Variants in INSL6 observed in about 807,000 individuals in gnomAD.
The protein encoded by INSL6 is insulin-like peptide INSL6.
A neutral mutation model predicts 9.4 loss-of-function variants in INSL6; 16 were observed. The ratio of observed to expected loss-of-function variants is 1.70; its 90% CI spans 1.15 to 2.59. INSL6 has a LOEUF of 2.59. INSL6 is among the 30% of genes most tolerant of loss of function. INSL6 has a pLI of 0.00. For synonymous variants in INSL6, 154 were observed against 96.9 expected (o/e 1.59, Z -3.46); for missense variants, 391 against 257.3 (o/e 1.52, Z -3.56).
At chr9:4,992,066 C>A in the INSL6 span, among the ~76,000 whole-genome samples, 1 of 152,162 alleles carries the variant, frequency 6.6e-6, no homozygotes, top group Non-Finnish European at 1.5e-5. Flanking sequence ...TTTGTTTTTG[C>A]TCCACAATGG....
At chr9:5,047,883 G>A in the INSL6 span, among the ~76,000 whole-genome samples, 2 of 152,010 alleles carry the variant, frequency 1.3e-5, no homozygotes, top group East Asian at 3.9e-4. Context: ...GTACGAGTGT[G>A]AGCCACCACA....
chr9:5,183,316 T>C (rs1177351219), intron 1 of INSL6, among the ~76,000 whole-genome samples: 7 of 152,316 alleles, frequency 4.6e-5, no homozygotes, highest in South Asian at 2.1e-4. Flanking sequence ...TACTGTTACA[T>C]AGTATTTCCA....
At chr9:5,164,492 G>C (rs12340617) in intron 1 of INSL6, among the ~76,000 whole-genome samples, 39,546 of 152,130 alleles carry the variant, frequency 0.26, 5,346 homozygotes, top group South Asian at 0.3. Context: ...AACAATTTGA[G>C]ATATCATTCA....
chr9:5,017,225 C>T, the INSL6 span, among the ~76,000 whole-genome samples: 1 of 151,960 alleles, frequency 6.6e-6, no homozygotes, highest in Admixed American at 6.6e-5. Flanking sequence ...TCAAAGACTA[C>T]AACTTAAAAA....
chr9:5,116,174 A>G, the INSL6 span, among the ~76,000 whole-genome samples: 1 of 152,116 alleles, frequency 6.6e-6, no homozygotes, highest in Non-Finnish European at 1.5e-5. Flanking sequence ...TATGATTATT[A>G]TCTCTATTTT....
the INSL6 span, chr9:5,094,261 C>A: frequency 6.6e-6 from 1 of 152,244 alleles, no homozygotes; most frequent in Non-Finnish European, 1.5e-5. Flanking sequence ...CCCTTACGAC[C>A]CTCAACGTCT....
At chr9:5,002,137 T>G in the INSL6 span, among the ~76,000 whole-genome samples, 78 of 151,976 alleles carry the variant, frequency 5.1e-4, no homozygotes, top group African/African-American at 1.8e-3. Context: ...AAGTTTTGGT[T>G]TGATTGATTT....
At chr9:5,164,488 TTGAGA>T (rs1320281430) in intron 1 of INSL6, among the ~76,000 whole-genome samples, 3 of 152,242 alleles carry the variant, frequency 2.0e-5, no homozygotes, top group Non-Finnish European at 4.4e-5. Flanking sequence ...TATTAACAAT[TTGAGA>T]TATCATTCAC....
chr9:5,081,259 AT>A, the INSL6 span, among the ~76,000 whole-genome samples: 12,683 of 149,874 alleles, frequency 0.085, 1,592 homozygotes, highest in African/African-American at 0.28. Context: ...AAATTATAGT[AT>A]TTTTTTTTTG....
chr9:5,087,141 C>T, the INSL6 span, among the ~76,000 whole-genome samples: 1 of 152,160 alleles, frequency 6.6e-6, no homozygotes, highest in South Asian at 2.1e-4. Flanking sequence ...TCTCACGCTG[C>T]AAATAAAGAC....
At chr9:5,074,306 C>T in the INSL6 span, among the ~76,000 whole-genome samples, 1 of 152,014 alleles carries the variant, frequency 6.6e-6, no homozygotes, top group African/African-American at 2.4e-5. Context: ...TTTTATTGCA[C>T]CTTGCTTTAT....
the INSL6 span, among the ~76,000 whole-genome samples, chr9:5,107,382 A>G: frequency 6.6e-6 from 1 of 152,110 alleles, no homozygotes; most frequent in Non-Finnish European, 1.5e-5. Context: ...CCTTTTCCAT[A>G]AAATTCTTCC....
chr9:5,055,836 G>A, the INSL6 span: 21 of 1,521,192 alleles, frequency 1.4e-5, no homozygotes, highest in East Asian at 3.6e-4. Flanking sequence ...ATAGTTCTCA[G>A]AAATGTGTAT....
At chr9:5,055,606 T>C in the INSL6 span, 20 of 1,288,700 alleles carry the variant, frequency 1.6e-5, no homozygotes, top group Non-Finnish European at 2.2e-5. Flanking sequence ...TCTTCTTAAG[T>C]CTTGTTTTAA....
At chr9:5,001,434 A>G in the INSL6 span, among the ~76,000 whole-genome samples, 1 of 152,122 alleles carries the variant, frequency 6.6e-6, no homozygotes, top group South Asian at 2.1e-4. Context: ...TCCTGCAACA[A>G]TTGGGACGAT....
the INSL6 span, among the ~76,000 whole-genome samples, chr9:5,014,576 A>G: frequency 9.9e-5 from 15 of 152,198 alleles, no homozygotes; most frequent in African/African-American, 3.4e-4. Flanking sequence ...GCAGGGACTG[A>G]TGGAGAAGGA....
At chr9:5,015,279 CTA>C in the INSL6 span, among the ~76,000 whole-genome samples, 1 of 152,170 alleles carries the variant, frequency 6.6e-6, no homozygotes, top group South Asian at 2.1e-4. Context: ...AAGTTTGTAA[CTA>C]GACGTAGAAT....
chr9:5,086,752 C>T, the INSL6 span, among the ~76,000 whole-genome samples: 1 of 152,196 alleles, frequency 6.6e-6, no homozygotes, highest in Non-Finnish European at 1.5e-5. Context: ...CTTTTTTCAA[C>T]ATAAATGCCT....
At chr9:5,148,169 T>A (rs1429080259) in intron 2 of INSL6, among the ~76,000 whole-genome samples, 1 of 152,208 alleles carries the variant, frequency 6.6e-6, no homozygotes, top group African/African-American at 2.4e-5. Flanking sequence ...GAGCTGGTAT[T>A]CCTTCAATTG....
Sources: gnomAD v4.1 joint callset for allele counts (sites outside exome capture counted in the v4.1 genomes callset) on GRCh38, gnomAD v4.1.1 for gene constraint, MANE v1.5 for transcripts, NCBI Gene and HGNC (gene_info 2026-07-23, HGNC 2026-07-21) for gene names.